ZGLP1: variants seen among roughly 807,000 people sequenced by gnomAD.
The protein encoded by ZGLP1 is zinc finger GATA like protein 1.
A neutral mutation model predicts 21.4 loss-of-function variants in ZGLP1; 11 were observed. The ratio of observed to expected loss-of-function variants is 0.51; its 90% CI spans 0.32 to 0.85. ZGLP1 has a LOEUF of 0.85. Ranked by LOEUF, ZGLP1 falls within the 40% of genes least tolerant of loss-of-function variation. The pLI, the probability that ZGLP1 is intolerant of heterozygous loss-of-function variation, is 0.03. For synonymous variants in ZGLP1, 148 were observed against 145.0 expected, an observed-to-expected ratio of 1.02 and a Z score of -0.15; for missense variants, 295 against 355.6, an observed-to-expected ratio of 0.83 and a Z score of 1.37.
chr19:10,305,570 G>A lies in ZGLP1; in HGVS notation c.605-87C>T. The A allele has an allele frequency of 1.6e-6, 2 of 1,226,198 alleles. No homozygotes were observed. Among genetic ancestry groups the A allele is most frequent in the Admixed American group, 2.0e-5 (1 of 49,542 alleles). The allele number at this position is 1,226,198 out of a possible 1,614,324, so 76.0% of individuals were successfully genotyped here. The stretch of plus-strand genomic sequence containing the variant: ...GTGCGGAGTCGGGCATTTTGTGGGG[G>A]TCTCAGTAAAGGCCCCACCTAGCTC... On this transcript the variant is annotated intron_variant, in intron 2 of 3. Coordinates refer to ENST00000403903, the Ensembl canonical transcript of ZGLP1. The surrounding 1 kb of genome is among the most constrained non-coding windows in gnomAD (Gnocchi z 4.7).
At chr19:10,308,633 C>T in exon 1 of ZGLP1, 1 of 1,527,044 alleles carries the variant, frequency 6.5e-7, no homozygotes, top group Non-Finnish European at 8.8e-7. Context: ...TGGGCCGGCT[C>T]TTTGTGTACC....
rs748097793 is a variant in ZGLP1, at chr19:10,308,218, G to A, written c.464C>T (p.Pro155Leu). 4 of 1,556,778 alleles carry A rather than the reference G, an allele frequency of 2.6e-6. No individual in the cohort carries two copies. The highest frequency in any genetic ancestry group is 2.4e-5 in the South Asian group (2 of 84,798). ...GGGGATGATCTGCAGGCTGGAGTCC[G>A]GCTTTATCTGAAACTTCAGAGTCAC... is the stretch of plus-strand genomic sequence containing the variant. The change falls in exon 1 of 4, where the codon CCG becomes CTG. Residue 155 changes from proline (P) to leucine (L), a missense_variant. Coordinates refer to ENST00000403903, the Ensembl canonical transcript of ZGLP1.
chr19:10,306,186 C>T (rs969808083), intron 1 of ZGLP1, among the ~76,000 whole-genome samples: 2 of 151,826 alleles, frequency 1.3e-5, no homozygotes, highest in South Asian at 2.1e-4. Context: ...CATCTCAGCT[C>T]ACTACAACCT....
rs1429595203 is a variant in ZGLP1 at position 10,305,803 on chromosome 19, TG to T, written c.604+42del. On this transcript the variant is annotated intron_variant, in intron 2 of 3. Coordinates refer to ENST00000403903, the Ensembl canonical transcript of ZGLP1. This position sits in a 1 kb window ranked among gnomAD's most constrained non-coding sequence, Gnocchi z 4.7. ...GAGAAAGGCAGGGAAGACAGGAAAT[TG>T]GCCCCCAAAATATTTATAGCTCTTG... The T allele has an allele frequency of 4.1e-6, 6 of 1,449,338 alleles. No individual in the cohort carries two copies. The highest frequency in any genetic ancestry group is 5.7e-6 in the Non-Finnish European group (6 of 1,053,786). 89.8% of individuals were successfully genotyped at this position (1,449,338 alleles called of 1,614,324 possible).
At chr19:10,308,735 C>T in exon 1 of ZGLP1, 3 of 1,414,320 alleles carry the variant, frequency 2.1e-6, no homozygotes, top group East Asian at 2.4e-5. Context: ...CTCACCTCGC[C>T]CACTGTGGGC....
intron 1 of ZGLP1, among the ~76,000 whole-genome samples, chr19:10,306,428 T>C (rs541537265): frequency 2.0e-5 from 3 of 152,078 alleles, no homozygotes; most frequent in Admixed American, 6.6e-5. Flanking sequence ...ATTATTATTA[T>C]TATTTGAAAA....
rs182821025 is a variant in ZGLP1 at position 10,305,851 on chromosome 19, G to A, written c.599C>T (p.Ala200Val). The A allele has an allele frequency of 1.9e-6, 3 of 1,553,638 alleles. No homozygotes were observed. Among genetic ancestry groups the A allele is most frequent in the Admixed American group, 3.9e-5 (2 of 51,230 alleles). The change falls in exon 2 of 4, where the codon GCC (alanine) becomes GTC (valine). Residue 200 changes from alanine to valine, a missense_variant. Physicochemically the swap from Ala to Val is moderately conservative, Grantham distance 64 (BLOSUM62 0). Around this residue, in one of 2 missense-constraint regions of ZGLP1, gnomAD observed 252 missense variants for 264.0 expected, o/e 0.95. Transcript: ENST00000403903. The surrounding 1 kb of genome is among the most constrained non-coding windows in gnomAD (Gnocchi z 4.7). The stretch of plus-strand genomic sequence containing the variant: ...CTTGGGTTTTCAGGACTCACCCAGG[G>A]CCTCGCTGCCTGCTGAGTGGGCCTC...
intron 1 of ZGLP1, among the ~76,000 whole-genome samples, chr19:10,306,332 C>T (rs543256831): frequency 1.3e-5 from 2 of 151,878 alleles, no homozygotes; most frequent in South Asian, 4.1e-4. Context: ...AGGCTGGTCT[C>T]GAACTCCTGA....
chr19:10,308,600 T>C (rs2145044066), exon 1 of ZGLP1: 2 of 1,565,652 alleles, frequency 1.3e-6, no homozygotes, highest in African/African-American at 1.4e-5. Context: ...CTCCTGGGTT[T>C]AGCCGGCCAG....
chr19:10,307,564 G>C (rs2040286698), intron 1 of ZGLP1, among the ~76,000 whole-genome samples: 1 of 150,432 alleles, frequency 6.6e-6, no homozygotes, highest in African/African-American at 2.5e-5. Context: ...GCTCAGGCTG[G>C]AGTGAGGTGG....
intron 1 of ZGLP1, among the ~76,000 whole-genome samples, chr19:10,307,074 C>T (rs2040283423): frequency 6.7e-6 from 1 of 149,976 alleles, no homozygotes; most frequent in Admixed American, 6.7e-5. Flanking sequence ...GCAGAGGTTG[C>T]AGTGAGCCGA....
In ZGLP1 at chr19:10,308,135, T is replaced by G. The variant is rs984079354; in HGVS notation, c.497+50A>C. The G allele has an allele frequency of 4.0e-6, 6 of 1,505,634 alleles. No individual in the cohort carries two copies. In the Admixed American group the frequency reaches 6.8e-5, roughly 17 times the overall value. 93.3% of individuals were successfully genotyped at this position (1,505,634 alleles called of 1,614,324 possible). On this transcript the variant is annotated intron_variant, in intron 1 of 3. Transcript: ENST00000403903. ...AGCACCCCTACCTCCCACACTGGTG[T>G]TTGCGTTGTAACTGGGAGAAAGGGC...
chr19:10,305,510 G>T lies in ZGLP1; in HGVS notation c.605-27C>A, dbSNP rs2040274221. 1 of 1,569,982 alleles carries T rather than the reference G, an allele frequency of 6.4e-7. No homozygotes were observed. Among genetic ancestry groups the T allele is most frequent in the Non-Finnish European group, 8.7e-7 (1 of 1,155,068 alleles). On this transcript the variant is annotated intron_variant, in intron 2 of 3. Transcript: ENST00000403903. This position sits in a 1 kb window ranked among gnomAD's most constrained non-coding sequence, Gnocchi z 4.7. ...TGAAGGGTCAGAGGTCAAAGGGCAG[G>T]GGTCAGAGGCCAAGCATGTGAGCTC... is the stretch of plus-strand genomic sequence containing the variant.
At chr19:10,308,855 G>A in exon 1 of ZGLP1, 1 of 477,672 alleles carries the variant, frequency 2.1e-6, no homozygotes, top group East Asian at 3.3e-5. Context: ...GCCTCTGGCT[G>A]CAGGATCGAG....
chr19:10,304,833 T>C (rs1020315398), exon 4 of ZGLP1: 9 of 536,994 alleles, frequency 1.7e-5, no homozygotes, highest in African/African-American at 1.5e-4. Context: ...TTATTGTCCC[T>C]GCTGTAACAA....
In ZGLP1 at chr19:10,305,349, T is replaced by C. The variant is rs745724903; in HGVS notation, c.698+41A>G. The C allele has an allele frequency of 2.6e-6, 4 of 1,559,146 alleles. No individual in the cohort carries two copies. Among genetic ancestry groups the C allele is most frequent in the African/African-American group, 1.4e-5 (1 of 73,556 alleles). The stretch of plus-strand genomic sequence containing the variant: ...CCATCCTGGTTACACGTGGACTGAT[T>C]TGGGGACCCCCGCCCCAACTCCCTC... On this transcript the variant is annotated intron_variant, in intron 3 of 3. Transcript: ENST00000403903. The surrounding 1 kb of genome is among the most constrained non-coding windows in gnomAD (Gnocchi z 4.7).
At position 10,305,771 on chromosome 19, in the gene ZGLP1, G is replaced by A. The variant is rs1443152331; in HGVS notation, c.604+75C>T. The A allele has an allele frequency of 5.0e-6, 6 of 1,199,766 alleles. No homozygotes were observed. The highest frequency in any genetic ancestry group is 4.8e-6 in the Non-Finnish European group (4 of 827,280). 74.3% of individuals were successfully genotyped at this position (1,199,766 alleles called of 1,614,324 possible). On this transcript the variant is annotated intron_variant, in intron 2 of 3. Coordinates refer to ENST00000403903, the Ensembl canonical transcript of ZGLP1. This position sits in a 1 kb window ranked among gnomAD's most constrained non-coding sequence, Gnocchi z 4.7. ...TGGGGAAGCAAGATGGAGAAGGGGG[G>A]GGCAGGGAGAAAGGCAGGGAAGACA...
rs2040275159 is a variant in ZGLP1, at chr19:10,305,696, C to A, written c.604+150G>T. The A allele has an allele frequency of 2.4e-5, 18 of 759,194 alleles. No individual in the cohort carries two copies. The South Asian group carries it at 2.9e-4, about 12-fold the overall frequency. 47.0% of individuals were successfully genotyped at this position (759,194 alleles called of 1,614,324 possible). The stretch of plus-strand genomic sequence containing the variant: ...AGGAGGAAGCTGGGGGTGGGGGTGA[C>A]TCAGCCCAAGTGGAGGGGGGTGCTG... On this transcript the variant is annotated intron_variant, in intron 2 of 3. Coordinates refer to ENST00000403903, the Ensembl canonical transcript of ZGLP1. This position sits in a 1 kb window ranked among gnomAD's most constrained non-coding sequence, Gnocchi z 4.7.
At chr19:10,307,617 C>G (rs1599288343) in intron 1 of ZGLP1, among the ~76,000 whole-genome samples, 2 of 151,532 alleles carry the variant, frequency 1.3e-5, no homozygotes, top group African/African-American at 4.8e-5. Context: ...TGAGTTCAAG[C>G]GATTCTCCTG....
Sources: gnomAD v4.1 joint callset for allele counts (sites outside exome capture counted in the v4.1 genomes callset) on GRCh38, gnomAD v4.1.1 for gene constraint, gnomAD v4.1.1 regional missense constraint, Gnocchi (gnomAD v3.1) non-coding constraint, MANE v1.5 for transcripts, NCBI Gene and HGNC (gene_info 2026-07-23, HGNC 2026-07-21) for gene names.